POLA1: variants seen among roughly 807,000 people sequenced by gnomAD.
POLA1 encodes DNA polymerase alpha 1, catalytic subunit.
Under a neutral mutation model 124.0 loss-of-function variants are expected in POLA1, and 15 were observed. The observed-to-expected ratio is 0.12, with a 90% CI of 0.08 to 0.19. The LOEUF is 0.19. Among genes scored for constraint, POLA1 ranks in the 10% least tolerant of loss-of-function variants. The pLI is 1.00. For missense variants in POLA1, 886 were observed against 1,103.4 expected (o/e 0.80, Z 2.79); for synonymous variants, 408 against 389.4 (o/e 1.05, Z -0.56).
chrX:24,896,889 C>T (rs183377724), intron 35 of POLA1, among the ~76,000 whole-genome samples: 4 of 112,205 alleles, frequency 3.6e-5, no homozygotes, highest in African/African-American at 9.7e-5. Flanking sequence ...ATTCGTAAGA[C>T]GAGAGACTGG....
intron 26 of POLA1, 35 bp downstream of exon 26, chrX:24,749,027 T>C: frequency 9.0e-7 from 1 of 1,107,971 alleles, no homozygotes. Flanking sequence ...TCTCTAGATA[T>C]GAGAGTATTT....
At chrX:24,816,201 A>T (rs1186121113) in intron 30 of POLA1, among the ~76,000 whole-genome samples, 1 of 112,355 alleles carries the variant, frequency 8.9e-6, no homozygotes, top group African/African-American at 3.2e-5. Context: ...GCTTTTGCCA[A>T]ATTGCTTTGT....
chrX:24,974,210 AACATTT>A (rs2048338382), intron 36 of POLA1, among the ~76,000 whole-genome samples: 1 of 111,091 alleles, frequency 9.0e-6, no homozygotes, highest in Non-Finnish European at 1.9e-5. Context: ...CACCCGAGGG[AACATTT>A]GACAATGTCT....
Position 24,704,384 on chromosome X carries a change from T to C in POLA1, c.266-5T>C. ...TGATCCCAGTATTAAATTTTGTCCC[T>C]GCAGATGGTATTGGCTATGTGGAAG... On this transcript the variant is annotated splice_region_variant and splice_polypyrimidine_tract_variant and intron_variant, in intron 3 of 36. Transcript: ENST00000379068. 3.4e-6 allele frequency: 4 copies of C among 1,182,074 alleles called. No homozygotes were observed. The highest frequency in any genetic ancestry group is 4.6e-6 in the Non-Finnish European group (4 of 868,554).
chrX:24,827,512 T>A (rs1216551983), intron 32 of POLA1, among the ~76,000 whole-genome samples: 5 of 112,372 alleles, frequency 4.4e-5, no homozygotes, highest in Non-Finnish European at 9.4e-5. Context: ...TATCCAGCCT[T>A]ATTTCTTATT....
chrX:24,979,978 C>T (rs2048403895), intron 36 of POLA1, among the ~76,000 whole-genome samples: 1 of 112,087 alleles, frequency 8.9e-6, no homozygotes, highest in Admixed American at 9.4e-5. Flanking sequence ...TCTCTAATAT[C>T]ATTCACTGTG....
At chrX:24,819,401 T>G (rs888445554) in intron 30 of POLA1, among the ~76,000 whole-genome samples, 6 of 109,100 alleles carry the variant, frequency 5.5e-5, no homozygotes, top group Admixed American at 2.0e-4. Context: ...GCAGGCTCAC[T>G]TTTTTTTTGA....
chrX:24,823,545 G>A (rs1011829330), intron 31 of POLA1, among the ~76,000 whole-genome samples: 5 of 110,864 alleles, frequency 4.5e-5, no homozygotes, highest in Non-Finnish European at 9.4e-5. Flanking sequence ...GGGATTACAG[G>A]CACGCGCCAC....
chrX:24,979,128 A>G (rs746496781), intron 36 of POLA1, among the ~76,000 whole-genome samples: 2 of 112,305 alleles, frequency 1.8e-5, no homozygotes, highest in African/African-American at 6.5e-5. Context: ...GATTAACATT[A>G]TAAAAGATTA....
chrX:24,768,735 G>A (rs191954198), intron 26 of POLA1, among the ~76,000 whole-genome samples: 1 of 111,756 alleles, frequency 8.9e-6, no homozygotes, highest in Non-Finnish European at 1.9e-5. Context: ...GTGTGGTGAC[G>A]CAAGTTTGTG....
intron 35 of POLA1, among the ~76,000 whole-genome samples, chrX:24,909,786 G>A (rs1410186074): frequency 4.2e-4 from 46 of 110,451 alleles, no homozygotes; most frequent in African/African-American, 1.2e-3. Flanking sequence ...GTCATTGGTA[G>A]CTTGATGGGG....
chrX:24,745,586 T>C (rs1345044958), intron 24 of POLA1, 44 bp downstream of exon 24: 11 of 960,397 alleles, frequency 1.1e-5, no homozygotes, highest in Non-Finnish European at 1.6e-5. Flanking sequence ...TTTAAAAAAA[T>C]TGCTTAAAGA....
At chrX:24,884,853 G>C (rs2047046276) in intron 34 of POLA1, among the ~76,000 whole-genome samples, 1 of 111,907 alleles carries the variant, frequency 8.9e-6, no homozygotes, top group Non-Finnish European at 1.9e-5. Context: ...AAGGAAAAAA[G>C]ACCTCCTTAA....
In POLA1 at chrX:24,703,339, T is replaced by C; in HGVS notation, c.257T>C (p.Val86Ala). Residue 86 changes from valine (V) to alanine (A), a missense_variant, in exon 3 of 37, where the codon GTG becomes GCG. Physicochemically the swap from Val to Ala is moderately conservative, Grantham distance 64. Around this residue, in one of 7 missense-constraint regions of POLA1, gnomAD observed 337 missense variants for 402.8 expected, o/e 0.84. Transcript: ENST00000379068. ...VQARQDDDWI[V>A]DDDGIGYVED... is the part of the protein sequence containing the mutation. Reference sequence around the variant, plus strand: ...GCACGCCAGGATGATGACTGGATTGTGGATGATGGTAGGTGGGGCGGAGGT... The same window carrying C: ...GCACGCCAGGATGATGACTGGATTGCGGATGATGGTAGGTGGGGCGGAGGT... 3 of 1,176,449 alleles carry C rather than the reference T, an allele frequency of 2.6e-6. No homozygotes were observed. Among genetic ancestry groups the C allele is most frequent in the Non-Finnish European group, 3.5e-6 (3 of 866,652 alleles).
intron 35 of POLA1, among the ~76,000 whole-genome samples, chrX:24,910,186 G>A: frequency 1.2e-5 from 1 of 82,995 alleles, no homozygotes; most frequent in South Asian, 7.0e-4. Flanking sequence ...CTGCAAACAG[G>A]GACAATTTGA....
intron 34 of POLA1, among the ~76,000 whole-genome samples, chrX:24,864,451 A>C (rs1264220791): frequency 8.9e-6 from 1 of 111,991 alleles, no homozygotes; most frequent in African/African-American, 3.2e-5. Context: ...TGTGAGTGCT[A>C]TAGTGGTTTA....
At chrX:24,782,686 G>A (rs1165445664) in intron 26 of POLA1, among the ~76,000 whole-genome samples, 3 of 111,013 alleles carry the variant, frequency 2.7e-5, no homozygotes, top group Admixed American at 1.9e-4. Flanking sequence ...TGGTCCCCAT[G>A]TACTGCCAAT....
At chrX:24,984,201 T>C (rs1845620992) in intron 36 of POLA1, among the ~76,000 whole-genome samples, 1 of 112,586 alleles carries the variant, frequency 8.9e-6, no homozygotes. Flanking sequence ...TTAAAAAGTA[T>C]ACATTGAGGA....
At chrX:24,741,150 C>CGT (rs1569291037) in intron 20 of POLA1, among the ~76,000 whole-genome samples, 1 of 99,593 alleles carries the variant, frequency 1.0e-5, no homozygotes, top group Non-Finnish European at 2.0e-5. Context: ...TGTGTGTGCG[C>CGT]GCGTGTGTGT....
Sources: gnomAD v4.1 joint callset for allele counts (sites outside exome capture counted in the v4.1 genomes callset) on GRCh38, gnomAD v4.1.1 for gene constraint, gnomAD v4.1.1 regional missense constraint, MANE v1.5 for transcripts, NCBI Gene and HGNC (gene_info 2026-07-23, HGNC 2026-07-21) for gene names.